The following TCF4 variants were observed in gnomAD, a reference collection of about 807,000 sequenced individuals.
The protein encoded by TCF4 is SL3-3 enhancer factor 2.
Under a neutral mutation model 82.1 loss-of-function variants are expected in TCF4, and 3 were observed. The observed-to-expected ratio is 0.04, with a 90% confidence interval of 0.02 to 0.09. TCF4 has a LOEUF of 0.09. Ranked by LOEUF, TCF4 falls within the 10% of genes least tolerant of loss-of-function variation. The pLI is 1.00. For missense variants in TCF4, 518 were observed against 852.7 expected, an observed-to-expected ratio of 0.61 and a Z score of 4.89; for synonymous variants, 276 against 309.6, an observed-to-expected ratio of 0.89 and a Z score of 1.14.
At chr18:55,419,943 C>G (rs924059278) in intron 5 of TCF4, among the ~76,000 whole-genome samples, 1 of 152,210 alleles carries the variant, frequency 6.6e-6, no homozygotes, top group African/African-American at 2.4e-5. Context: ...CTTTAAAATT[C>G]TCAGTCATGG....
In TCF4 at chr18:55,257,372, A is replaced by T; in HGVS notation, c.1089T>A (p.Ser363=). 6.2e-7 allele frequency: 1 copy of T among 1,613,788 alleles called. No individual in the cohort carries two copies. Among genetic ancestry groups the T allele is most frequent in the African/African-American group, 1.3e-5 (1 of 75,036 alleles). The change falls in exon 14 of 20, where the codon TCT becomes TCA. Residue 363 remains serine, a synonymous_variant. Coordinates refer to ENST00000354452, the MANE Select transcript of TCF4 (RefSeq NM_001083962.2). ...ACGATGAGGCCTGTCCTCCATTTCT[A>T]GACCAAACAGCTGTGCCTGCTGATA... ...PSLSAGTAVW[S]RNGGQASSSP... is the part of the protein sequence containing the mutation.
intron 8 of TCF4, among the ~76,000 whole-genome samples, chr18:55,343,398 A>T (rs986675335): frequency 1.3e-5 from 2 of 152,160 alleles, no homozygotes; most frequent in African/African-American, 2.4e-5. Flanking sequence ...TCTGGAAGTA[A>T]GCACTTATAT....
At chr18:55,315,637 T>C (rs1182144033) in intron 8 of TCF4, among the ~76,000 whole-genome samples, 2 of 152,108 alleles carry the variant, frequency 1.3e-5, no homozygotes, top group South Asian at 2.1e-4. Context: ...AGAAAAAAAT[T>C]GTTTTGCTTA....
At chr18:55,466,328 G>A (rs1008385305) in intron 3 of TCF4, among the ~76,000 whole-genome samples, 1 of 151,990 alleles carries the variant, frequency 6.6e-6, no homozygotes, top group Non-Finnish European at 1.5e-5. Context: ...AGATTCTGTC[G>A]CTACAAAAAT....
At chr18:55,242,610 AT>A (rs35918728) in intron 15 of TCF4, among the ~76,000 whole-genome samples, 2,039 of 142,176 alleles carry the variant, frequency 0.014, 6 homozygotes, top group South Asian at 0.057. Flanking sequence ...GCAGGCACTG[AT>A]TTTTTTTTTT....
chr18:55,463,913 CGT>C (rs1266083399), intron 4 of TCF4, among the ~76,000 whole-genome samples, 161 bp downstream of exon 4: 3 of 144,624 alleles, frequency 2.1e-5, no homozygotes, highest in Non-Finnish European at 3.0e-5. Context: ...CACATATATG[CGT>C]GTGTGTTTGT....
intron 6 of TCF4, among the ~76,000 whole-genome samples, chr18:55,364,226 A>G (rs924340485): frequency 1.8e-4 from 27 of 152,224 alleles, no homozygotes; most frequent in Non-Finnish European, 5.9e-5. Context: ...ATATTGGACA[A>G]GTGTACAAAA....
intron 8 of TCF4, among the ~76,000 whole-genome samples, chr18:55,294,095 A>G (rs1405855655): frequency 1.3e-5 from 2 of 150,774 alleles, no homozygotes; most frequent in African/African-American, 4.9e-5. Flanking sequence ...CTCCATCTCT[A>G]CTAAAAATAC....
rs560364171 is a variant in TCF4, at chr18:55,434,586, A to AT, written c.304+26432dup. Among the ~76,000 whole-genome samples the AT allele has an allele frequency of 7.3e-3, 1,036 of 141,754 alleles. 5 individuals carry two copies. The highest frequency in any genetic ancestry group is 0.014 in the South Asian group (62 of 4,364). The allele number at this position is 141,754 out of a possible 152,430, so 93.0% of individuals were successfully genotyped here. A position where few individuals can be genotyped will look rare whatever the true frequency, so the allele number is the denominator to read the frequency against. Reference sequence around the variant, plus strand: ...AGGCACCCGCCACCACGCCCGGCTAATTTTTTTTTTTTTTGTATTTTTAGT... The same window carrying AT: ...AGGCACCCGCCACCACGCCCGGCTAATTTTTTTTTTTTTTTGTATTTTTAGT... On this transcript the variant is annotated intron_variant, in intron 5 of 19. Coordinates refer to ENST00000354452, the MANE Select transcript of TCF4 (RefSeq NM_001083962.2).
intron 3 of TCF4, among the ~76,000 whole-genome samples, chr18:55,584,436 C>T (rs2097612585): frequency 6.6e-6 from 1 of 152,052 alleles, no homozygotes; most frequent in Non-Finnish European, 1.5e-5. Context: ...TAGCAGGCAA[C>T]AATGTATAAC....
intron 2 of TCF4, among the ~76,000 whole-genome samples, chr18:55,596,562 G>T (rs2097691129): frequency 6.6e-6 from 1 of 152,164 alleles, no homozygotes; most frequent in Admixed American, 6.5e-5. Flanking sequence ...TAAAACTCAG[G>T]AAGTTTGGAT....
intron 8 of TCF4, chr18:55,322,037 G>A: frequency 1.7e-6 from 2 of 1,160,608 alleles, no homozygotes; most frequent in Non-Finnish European, 2.1e-6. Flanking sequence ...TTAGTTCCTC[G>A]AATAATGCCG....
At chr18:55,330,235 CA>C (rs2077299364) in intron 8 of TCF4, among the ~76,000 whole-genome samples, 1 of 137,156 alleles carries the variant, frequency 7.3e-6, no homozygotes, top group Non-Finnish European at 1.5e-5. Flanking sequence ...GGCTGGAGTG[CA>C]GTGGCACGAT....
chr18:55,292,886 C>T (rs1173861631), intron 8 of TCF4, among the ~76,000 whole-genome samples: 1 of 151,972 alleles, frequency 6.6e-6, no homozygotes, highest in Non-Finnish European at 1.5e-5. Flanking sequence ...TATATACATA[C>T]ATATGTGTGT....
At chr18:55,432,138 C>T (rs2095219066) in intron 5 of TCF4, among the ~76,000 whole-genome samples, 1 of 152,036 alleles carries the variant, frequency 6.6e-6, no homozygotes, top group Non-Finnish European at 1.5e-5. Flanking sequence ...CCTGTCTCTA[C>T]TAAAATATAC....
At chr18:55,286,238 A>G (rs986321920) in intron 8 of TCF4, among the ~76,000 whole-genome samples, 2 of 146,184 alleles carry the variant, frequency 1.4e-5, no homozygotes, top group African/African-American at 5.2e-5. Flanking sequence ...TGTAATTATC[A>G]GTATAATTGG....
At chr18:55,403,544 G>A (rs946390454) in intron 5 of TCF4, 26 bp from the exon 6 acceptor site, 7 of 1,613,592 alleles carry the variant, frequency 4.3e-6, no homozygotes, top group Non-Finnish European at 5.1e-6. Flanking sequence ...ACAAAAAAGT[G>A]TAAATTGTGT....
chr18:55,490,311 A>G (rs2096562922), intron 3 of TCF4, among the ~76,000 whole-genome samples: 1 of 152,166 alleles, frequency 6.6e-6, no homozygotes, highest in African/African-American at 2.4e-5. Context: ...TTTGCAAATT[A>G]GATGCCAAAA....
intron 6 of TCF4, 94 bp downstream of exon 6, chr18:55,403,359 GT>G: frequency 7.2e-7 from 1 of 1,383,756 alleles, no homozygotes; most frequent in Non-Finnish European, 1.0e-6. Flanking sequence ...TGCATCTTTG[GT>G]GTCACAGTTT....
Sources: gnomAD v4.1 joint callset for allele counts (sites outside exome capture counted in the v4.1 genomes callset) on GRCh38, gnomAD v4.1.1 for gene constraint, MANE v1.5 for transcripts, NCBI Gene and HGNC (gene_info 2026-07-23, HGNC 2026-07-21) for gene names.